SETD2: variants seen among roughly 807,000 people sequenced by gnomAD.
The protein encoded by SETD2 is SET domain containing 2, histone lysine methyltransferase.
Under a neutral mutation model 242.1 loss-of-function variants are expected in SETD2, and 31 were observed. The ratio of observed to expected loss-of-function variants is 0.13; its 90% CI spans 0.10 to 0.17. The LOEUF is 0.17. Ranked by LOEUF, SETD2 falls within the 10% of genes least tolerant of loss-of-function variation. The pLI is 1.00. For missense variants in SETD2, 2,481 were observed against 3,046.3 expected, an observed-to-expected ratio of 0.81 and a Z score of 4.37; for synonymous variants, 1,006 against 1,066.5, an observed-to-expected ratio of 0.94 and a Z score of 1.11.
At position 47,037,708 on chromosome 3, in the gene SETD2, C is replaced by G. The variant is rs766930052; in HGVS notation, c.7308G>C (p.Glu2436Asp). Residue 2436 changes from glutamate (E) to aspartate (D), a missense_variant, in exon 18 of 21, where the codon GAG (glutamate) becomes GAC (aspartate). By Grantham distance (45) the Glu-to-Asp change is conservative. This residue lies in a region of SETD2 where 40 missense variants were observed against 89.5 expected (regional missense o/e 0.45). Coordinates refer to ENST00000409792, the MANE Select transcript of SETD2 (RefSeq NM_014159.7). ...CATATGTTGGAGTTCCCAGGTCCAT[C>G]TCAGCTTCATGCTCAAGGCTGGCAT... ...GDDASLEHEA[E>D]MDLGTPTYDE... The G allele has an allele frequency of 6.2e-7, 1 of 1,613,950 alleles. No homozygotes were observed. Among genetic ancestry groups the G allele is most frequent in the South Asian group, 1.1e-5 (1 of 91,080 alleles).
intron 1 of SETD2, among the ~76,000 whole-genome samples, chr3:47,148,669 G>C (rs1303354371): frequency 6.6e-6 from 1 of 152,196 alleles, no homozygotes; most frequent in African/African-American, 2.4e-5. Context: ...AATTAATGAT[G>C]TTTGACTTAG....
intron 15 of SETD2, among the ~76,000 whole-genome samples, chr3:47,050,723 CTTTTTTT>C (rs775259096): frequency 3.6e-3 from 238 of 66,890 alleles, no homozygotes; most frequent in Admixed American, 7.2e-3. Context: ...TTTCCTCTCT[CTTTTTTT>C]TTTTTTTTTT....
chr3:47,057,714 T>C (rs1190303422), intron 14 of SETD2, among the ~76,000 whole-genome samples: 1 of 152,174 alleles, frequency 6.6e-6, no homozygotes, highest in East Asian at 1.9e-4. Context: ...TAATTTCATC[T>C]CTACCCTTAG....
chr3:47,049,889 T>C (rs973043728), intron 15 of SETD2, among the ~76,000 whole-genome samples: 1 of 127,072 alleles, frequency 7.9e-6, no homozygotes, highest in Admixed American at 8.7e-5. Context: ...ATAGTATATA[T>C]TATATATATA....
At chr3:47,090,139 C>T (rs906669330) in intron 9 of SETD2, among the ~76,000 whole-genome samples, 10 of 151,846 alleles carry the variant, frequency 6.6e-5, no homozygotes, top group Non-Finnish European at 1.2e-4. Context: ...TACCAGCTAT[C>T]GGGAGGCTGA....
chr3:47,163,839 G>C lies in SETD2; in HGVS notation c.71+15C>G, dbSNP rs1282839162. ...GCGGCCGACAGCAGCGGGGGGCCGC[G>C]GAGCTGATACTTACTCAGGGGTCGG... On this transcript the variant is annotated intron_variant, in intron 1 of 20. Transcript: ENST00000409792. The C allele has an allele frequency of 4.4e-5, 56 of 1,279,138 alleles. No individual in the cohort carries two copies. The highest frequency in any genetic ancestry group is 2.1e-4 in the Middle Eastern group (1 of 4,784). 79.2% of individuals were successfully genotyped at this position (1,279,138 alleles called of 1,614,324 possible).
chr3:47,044,593 G>A (rs866557600), intron 16 of SETD2, among the ~76,000 whole-genome samples: 57 of 152,004 alleles, frequency 3.7e-4, no homozygotes, highest in African/African-American at 1.2e-3. Context: ...ATGCTATTCT[G>A]TTTAGTTTTT....
chr3:47,052,282 C>T (rs1047537714), intron 15 of SETD2, among the ~76,000 whole-genome samples: 3 of 152,064 alleles, frequency 2.0e-5, no homozygotes, highest in Non-Finnish European at 4.4e-5. Flanking sequence ...GCAATCTTCC[C>T]ACCTCAGCTC....
chr3:47,025,265 C>T (rs1258827454), intron 18 of SETD2, among the ~76,000 whole-genome samples: 1 of 152,212 alleles, frequency 6.6e-6, no homozygotes, highest in Non-Finnish European at 1.5e-5. Context: ...GACTCCCTTA[C>T]TCACTTGTTT....
chr3:47,065,904 T>C (rs948972895), intron 13 of SETD2, among the ~76,000 whole-genome samples: 2 of 152,188 alleles, frequency 1.3e-5, no homozygotes, highest in African/African-American at 4.8e-5. Context: ...TCTGAAACAA[T>C]GATTCTAACT....
At chr3:47,124,613 G>A in intron 2 of SETD2, 65 bp from the exon 3 acceptor site, 1 of 1,322,868 alleles carries the variant, frequency 7.6e-7, no homozygotes, top group Non-Finnish European at 1.0e-6. Flanking sequence ...GGACTGCACA[G>A]TTTAAAATGT....
At chr3:47,104,930 G>A (rs547481392) in intron 6 of SETD2, among the ~76,000 whole-genome samples, 1 of 152,172 alleles carries the variant, frequency 6.6e-6, no homozygotes, top group East Asian at 1.9e-4. Context: ...ACCATGCCCG[G>A]TTAATTTTTT....
At chr3:47,076,611 T>C (rs2041089851) in intron 12 of SETD2, among the ~76,000 whole-genome samples, 1 of 151,362 alleles carries the variant, frequency 6.6e-6, no homozygotes, top group South Asian at 2.1e-4. Flanking sequence ...CATGGTCTAG[T>C]GAGGGGAAAC....
chr3:47,075,354 G>C (rs1030370043), intron 12 of SETD2, among the ~76,000 whole-genome samples: 1 of 151,722 alleles, frequency 6.6e-6, no homozygotes, highest in Non-Finnish European at 1.5e-5. Flanking sequence ...GAGGTCGGGA[G>C]TTCGAGACCA....
intron 12 of SETD2, among the ~76,000 whole-genome samples, chr3:47,069,969 C>A (rs950832501): frequency 1.3e-4 from 20 of 152,092 alleles, no homozygotes; most frequent in African/African-American, 4.3e-4. Flanking sequence ...CTCTGTAAAC[C>A]TAGGCACTCC....
In SETD2 at chr3:47,120,797, G is replaced by C. The variant is rs1559742197; in HGVS notation, c.3839C>G (p.Ala1280Gly). 1 of 1,614,218 alleles carries C rather than the reference G, an allele frequency of 6.2e-7. No individual in the cohort carries two copies. Among genetic ancestry groups the C allele is most frequent in the East Asian group, 2.2e-5 (1 of 44,888 alleles). ...TTGCTGATACTTGTGTCCACCACAA[G>C]CTCCATAGCTACTGTCAGGTTGCTG... The part of the protein sequence containing the change: ...TYQQPDSSYG[A>G]CGGHKYQQNA... Residue 1280 changes from alanine (A) to glycine (G), a missense_variant, in exon 3 of 21, where the codon GCT becomes GGT. This residue lies in a region of SETD2 where 1,300 missense variants were observed against 1,259.2 expected (regional missense o/e 1.03). Coordinates refer to ENST00000409792, the MANE Select transcript of SETD2 (RefSeq NM_014159.7).
chr3:47,158,715 T>C lies in SETD2; in HGVS notation c.71+5139A>G, dbSNP rs556305486. Among the ~76,000 whole-genome samples, 13 of 152,330 alleles carry C rather than the reference T, an allele frequency of 8.5e-5. No homozygotes were observed. The South Asian group carries it at 2.7e-3, about 32-fold the overall frequency. On this transcript the variant is annotated intron_variant, in intron 1 of 20. Coordinates refer to ENST00000409792, the MANE Select transcript of SETD2 (RefSeq NM_014159.7). ...TAAGTTTTGAGGGAGACAAAAGTTATATGCACATTTTTGACTGTGTTGCAG... is the reference window on the plus strand; with the variant it reads ...TAAGTTTTGAGGGAGACAAAAGTTACATGCACATTTTTGACTGTGTTGCAG...
chr3:47,056,950 C>T lies in SETD2; in HGVS notation c.6834G>A (p.Gln2278=), dbSNP rs779931413. The T allele has an allele frequency of 1.2e-6, 2 of 1,614,148 alleles. No individual in the cohort carries two copies. Among genetic ancestry groups the T allele is most frequent in the African/African-American group, 1.3e-5 (1 of 74,952 alleles). ...QNYSVWDSNQ[Q]SVSVQQQYSP... is the part of the protein sequence containing the mutation. Reference sequence around the variant, plus strand: ...AGTACTGCTGCTGTACACTGACAGACTGTTGGTTTGAATCCCAAACACTAT... The same window carrying T: ...AGTACTGCTGCTGTACACTGACAGATTGTTGGTTTGAATCCCAAACACTAT... Residue 2278 remains glutamine, a synonymous_variant, in exon 15 of 21, where the codon CAG becomes CAA. Coordinates refer to ENST00000409792, the MANE Select transcript of SETD2 (RefSeq NM_014159.7).
At chr3:47,103,135 G>A (rs981530003) in intron 7 of SETD2, among the ~76,000 whole-genome samples, 3 of 152,062 alleles carry the variant, frequency 2.0e-5, no homozygotes, top group Admixed American at 2.0e-4. Flanking sequence ...GGGAAAGCTA[G>A]GTGAAGACTG....
Sources: allele counts gnomAD v4.1 joint callset (sites outside exome capture counted in the v4.1 genomes callset), GRCh38; gene constraint gnomAD v4.1.1; regional missense constraint gnomAD v4.1.1; transcripts MANE v1.5; gene names NCBI Gene and HGNC (gene_info 2026-07-23, HGNC 2026-07-21).